The following SWAP70 variants were observed in gnomAD, a reference collection of about 807,000 sequenced individuals.
SWAP70 encodes switching B cell complex subunit SWAP70.
In SWAP70, 34 loss-of-function variants were observed where a neutral mutation model predicts 80.2. The observed-to-expected ratio is 0.42, with a 90% confidence interval of 0.32 to 0.56. The LOEUF (loss-of-function observed/expected upper bound fraction) is 0.56, where lower values mean the gene tolerates loss of function less well. Among genes scored for constraint, SWAP70 ranks in the 20% least tolerant of loss-of-function variants. SWAP70 has a pLI of 0.09. For missense variants in SWAP70, 578 were observed against 690.7 expected (o/e 0.84, Z 1.83); for synonymous variants, 239 against 238.5 (o/e 1.00, Z -0.02).
At chr11:9,692,412 C>A (rs922272896) in intron 1 of SWAP70, among the ~76,000 whole-genome samples, 1 of 151,596 alleles carries the variant, frequency 6.6e-6, no homozygotes, top group Non-Finnish European at 1.5e-5. Flanking sequence ...TTTCTTCCTC[C>A]CTTTTCTTTT....
chr11:9,746,643 C>CA (rs564632406), intron 9 of SWAP70, among the ~76,000 whole-genome samples: 193 of 152,314 alleles, frequency 1.3e-3, no homozygotes, highest in African/African-American at 4.2e-3. Context: ...AGGATGTTCT[C>CA]AACAGGCAAC....
chr11:9,680,775 T>C (rs942603639), intron 1 of SWAP70: 1 of 152,236 alleles, frequency 6.6e-6, no homozygotes, highest in Non-Finnish European at 1.5e-5. Context: ...TATTCCCTTT[T>C]ACTTTTTTTA....
At chr11:9,705,383 C>T (rs1590027355) in intron 2 of SWAP70, among the ~76,000 whole-genome samples, 1 of 118,030 alleles carries the variant, frequency 8.5e-6, no homozygotes, top group Non-Finnish European at 1.6e-5. Context: ...TCTGTATACA[C>T]TGGTGATCTG....
chr11:9,723,763 C>T (rs433339), intron 3 of SWAP70, among the ~76,000 whole-genome samples: 51,637 of 146,824 alleles, frequency 0.35, 9,440 homozygotes, highest in African/African-American at 0.42. Flanking sequence ...TATTTCTTTC[C>T]TTCTTTACTT....
At chr11:9,672,664 C>T in intron 1 of SWAP70, among the ~76,000 whole-genome samples, 1 of 151,384 alleles carries the variant, frequency 6.6e-6, no homozygotes, top group East Asian at 1.9e-4. Context: ...CCACATCCAG[C>T]CTGTATCTTT....
In SWAP70 at chr11:9,738,098, A is replaced by G. The variant is rs148968631; in HGVS notation, c.1081-115A>G. On this transcript the variant is annotated intron_variant, in intron 7 of 11. Transcript: ENST00000318950. ...TAAAAGTTTTTATTCTATTATCTTT[A>G]TTGAATGTTAAGAATGTTTGGCTTT... 4.4e-3 allele frequency: 2,527 copies of G among 575,340 alleles called. 8 individuals carry two copies. The highest frequency in any genetic ancestry group is 8.4e-3 in the Middle Eastern group (31 of 3,680). The allele number at this position is 575,340 out of a possible 1,614,324, so 35.6% of individuals were successfully genotyped here. A position where few individuals can be genotyped will look rare whatever the true frequency, so the allele number is the denominator to read the frequency against.
intron 1 of SWAP70, among the ~76,000 whole-genome samples, chr11:9,689,249 A>G (rs1403853923): frequency 2.6e-5 from 4 of 152,234 alleles, no homozygotes; most frequent in Admixed American, 2.0e-4. Flanking sequence ...ACTGTTCACC[A>G]TCCTTGATTT....
chr11:9,703,462 C>T (rs776475864), intron 2 of SWAP70: 8 of 456,090 alleles, frequency 1.8e-5, no homozygotes, highest in South Asian at 7.7e-5. Context: ...AGGCCAACTC[C>T]GCCCATCAAA....
At chr11:9,667,323 C>T (rs935855902) in intron 1 of SWAP70, among the ~76,000 whole-genome samples, 1 of 152,100 alleles carries the variant, frequency 6.6e-6, no homozygotes, top group Non-Finnish European at 1.5e-5. Context: ...ACTATCTTGG[C>T]TCACTGCAAC....
intron 1 of SWAP70, among the ~76,000 whole-genome samples, chr11:9,692,033 A>C (rs894898559): frequency 1.3e-5 from 2 of 151,888 alleles, no homozygotes; most frequent in African/African-American, 2.4e-5. Flanking sequence ...AACACATACT[A>C]TTTCTCCTTT....
intron 1 of SWAP70, among the ~76,000 whole-genome samples, chr11:9,688,381 T>C (rs1850657385): frequency 6.6e-6 from 1 of 152,134 alleles, no homozygotes; most frequent in South Asian, 2.1e-4. Context: ...GTTTGGGTGG[T>C]GAAGGCTTCA....
intron 11 of SWAP70, 150 bp from the exon 12 acceptor site, chr11:9,749,714 A>G (rs1206305098): frequency 5.3e-6 from 3 of 569,216 alleles, no homozygotes; most frequent in South Asian, 2.2e-5. Context: ...CTTGGTATAC[A>G]TCTTCTAATT....
rs896765972 is a variant in SWAP70 at position 9,710,740 on chromosome 11, C to T, written c.241-2726C>T. On this transcript the variant is annotated intron_variant, in intron 2 of 11. Transcript: ENST00000318950. The stretch of plus-strand genomic sequence containing the variant: ...TGTCTCCAAGGCTGGAGTGCAGTGG[C>T]ATGATCATGGCTCACTGCAGCCTTG... Among the ~76,000 whole-genome samples the T allele has an allele frequency of 2.7e-5, 4 of 150,226 alleles. No individual in the cohort carries two copies. The Admixed American group carries it at 2.7e-4, about 10-fold the overall frequency.
intron 9 of SWAP70, among the ~76,000 whole-genome samples, chr11:9,743,587 C>T (rs1477566548): frequency 2.6e-5 from 4 of 151,538 alleles, no homozygotes; most frequent in Admixed American, 1.3e-4. Context: ...TTAATGATTG[C>T]CATTCTAACT....
chr11:9,688,267 A>G lies in SWAP70; in HGVS notation c.100-5879A>G, dbSNP rs560874583. ...ATGGGCATGCAATGTTGTATAAGAT[A>G]TGGGCCTTTCAGAAATGTACAGTCT... On this transcript the variant is annotated intron_variant, in intron 1 of 11. Coordinates refer to ENST00000318950, the MANE Select transcript of SWAP70 (RefSeq NM_015055.4). Among the ~76,000 whole-genome samples, 115 of 152,358 alleles carry G rather than the reference A, an allele frequency of 7.5e-4. 1 individual carries two copies. The highest frequency in any genetic ancestry group is 1.5e-4 in the Non-Finnish European group (10 of 68,032).
Position 9,714,899 on chromosome 11 carries a change from A to G in SWAP70, c.414+1260A>G, listed in dbSNP as rs149957867. ...GCAATCTCGGCTTATTGCAGCCTCCACCTCCCAGGTTCAAATGATTCTGCA... is the reference window on the plus strand; with the variant it reads ...GCAATCTCGGCTTATTGCAGCCTCCGCCTCCCAGGTTCAAATGATTCTGCA... On this transcript the variant is annotated intron_variant, in intron 3 of 11. Coordinates refer to ENST00000318950, the MANE Select transcript of SWAP70 (RefSeq NM_015055.4). 2.8e-3 allele frequency among the ~76,000 whole-genome samples: 368 copies of G among 132,430 alleles called. 6 individuals carry two copies. The East Asian group carries it at 0.041, about 15-fold the overall frequency. The allele number at this position is 132,430 out of a possible 152,430, so 86.9% of individuals were successfully genotyped here. A position where few individuals can be genotyped will look rare whatever the true frequency, so the allele number is the denominator to read the frequency against.
intron 3 of SWAP70, among the ~76,000 whole-genome samples, chr11:9,714,468 A>G (rs1382275624): frequency 6.6e-6 from 1 of 152,322 alleles, no homozygotes; most frequent in Non-Finnish European, 1.5e-5. Flanking sequence ...CTCTTATTAC[A>G]TGCATTTTTG....
At chr11:9,686,119 A>G (rs1255597087) in intron 1 of SWAP70, among the ~76,000 whole-genome samples, 1 of 151,864 alleles carries the variant, frequency 6.6e-6, no homozygotes, top group Non-Finnish European at 1.5e-5. Context: ...TAGAATACTC[A>G]AACAATGTAT....
intron 1 of SWAP70, among the ~76,000 whole-genome samples, chr11:9,669,901 G>A (rs896625921): frequency 1.3e-5 from 2 of 152,240 alleles, no homozygotes; most frequent in South Asian, 4.1e-4. Context: ...GCTGAAGTGA[G>A]TGGATCATCT....
Sources: gnomAD v4.1 joint callset for allele counts (sites outside exome capture counted in the v4.1 genomes callset) on GRCh38, gnomAD v4.1.1 for gene constraint, MANE v1.5 for transcripts, NCBI Gene and HGNC (gene_info 2026-07-23, HGNC 2026-07-21) for gene names.